TENM2: variants seen among roughly 807,000 people sequenced by gnomAD.
TENM2 encodes teneurin-2.
Under a neutral mutation model 245.2 loss-of-function variants are expected in TENM2, and 52 were observed. That is an observed-to-expected ratio of 0.21 (90% CI 0.17 to 0.27). TENM2 has a LOEUF of 0.27. TENM2 is among the 10% of genes least tolerant of loss of function. The pLI, the probability that TENM2 is intolerant of heterozygous loss-of-function variation, is 1.00. For synonymous variants in TENM2, 1,363 were observed against 1,438.9 expected (o/e 0.95, Z 1.19); for missense variants, 3,046 against 3,666.8 (o/e 0.83, Z 4.37).
intron 5 of TENM2, among the ~76,000 whole-genome samples, chr5:168,005,640 T>C (rs1379612811): frequency 6.6e-6 from 1 of 152,148 alleles, no homozygotes; most frequent in Non-Finnish European, 1.5e-5. Context: ...TAGGATTTTG[T>C]TGGAAGAGCT....
At chr5:167,315,780 C>G (rs1418305593) in intron 1 of TENM2, among the ~76,000 whole-genome samples, 1 of 152,034 alleles carries the variant, frequency 6.6e-6, no homozygotes. Context: ...AGTGGACGGG[C>G]TGTCTCTGGG....
intron 3 of TENM2, among the ~76,000 whole-genome samples, chr5:167,922,977 T>C (rs1777482338): frequency 6.6e-6 from 1 of 152,160 alleles, no homozygotes; most frequent in Non-Finnish European, 1.5e-5. Context: ...TGTTTTTGGG[T>C]TTAAGACAGT....
At chr5:167,605,153 C>T (rs1036531925) in intron 2 of TENM2, among the ~76,000 whole-genome samples, 2 of 152,080 alleles carry the variant, frequency 1.3e-5, no homozygotes, top group African/African-American at 2.4e-5. Context: ...TTCCACTTTC[C>T]CCATGACTGC....
chr5:167,156,918 G>A, the TENM2 span, among the ~76,000 whole-genome samples: 5 of 152,330 alleles, frequency 3.3e-5, no homozygotes, highest in African/African-American at 1.2e-4. Flanking sequence ...AGGGAGAGAA[G>A]AAGTGGTAAA....
chr5:167,428,416 T>C (rs865932426), intron 2 of TENM2, among the ~76,000 whole-genome samples: 21 of 152,156 alleles, frequency 1.4e-4, no homozygotes, highest in African/African-American at 5.1e-4. Flanking sequence ...AAAAATAACA[T>C]TTTGGTCTTC....
In TENM2 at chr5:167,715,802, T is replaced by A. The variant is rs142462020; in HGVS notation, c.503-160184T>A. Among the ~76,000 whole-genome samples, 17 of 152,308 alleles carry A rather than the reference T, an allele frequency of 1.1e-4. No homozygotes were observed. In the East Asian group the frequency reaches 3.1e-3, roughly 28 times the overall value. On this transcript the variant is annotated intron_variant, in intron 2 of 28. Transcript: ENST00000518659. ...TCATTTTATATAGAACATGCAAGCT[T>A]CTGAATACGAAATATATTCCCACTG...
At chr5:167,324,879 CT>C (rs1289469255) in intron 1 of TENM2, among the ~76,000 whole-genome samples, 1 of 152,164 alleles carries the variant, frequency 6.6e-6, no homozygotes, top group Non-Finnish European at 1.5e-5. Flanking sequence ...CAACTGCCCT[CT>C]GAGTCTATAA....
Position 167,620,549 on chromosome 5 carries a change from C to CTTTTTTTTTTTTT in TENM2, c.502+245086_502+245098dup, listed in dbSNP as rs11455974. On this transcript the variant is annotated intron_variant, in intron 2 of 28. Coordinates refer to ENST00000518659, the Ensembl canonical transcript of TENM2. The stretch of plus-strand genomic sequence containing the variant: ...TGTTGGCTAAAACTTTGCTTTTTGG[C>CTTTTTTTTTTTTT]TTTTTTTTTTTTTTTTTTTTTTCAA... 3.0e-4 allele frequency among the ~76,000 whole-genome samples: 22 copies of CTTTTTTTTTTTTT among 73,322 alleles called. 1 individual carries two copies. The highest frequency in any genetic ancestry group is 3.4e-4 in the Non-Finnish European group (14 of 41,488). The allele number at this position is 73,322 out of a possible 152,430, so 48.1% of individuals were successfully genotyped here.
chr5:167,501,955 C>G (rs1271917662), intron 2 of TENM2, among the ~76,000 whole-genome samples: 1 of 151,258 alleles, frequency 6.6e-6, no homozygotes, highest in Admixed American at 6.6e-5. Flanking sequence ...AACTATTTTT[C>G]TAAATTTAAC....
chr5:168,249,719 T>G (rs1766928445), intron 27 of TENM2, among the ~76,000 whole-genome samples: 6 of 151,990 alleles, frequency 3.9e-5, no homozygotes, highest in Admixed American at 3.9e-4. Flanking sequence ...ATTAGCTGCG[T>G]GTGGTGGCAT....
chr5:167,799,139 C>T (rs1354670290), intron 2 of TENM2, among the ~76,000 whole-genome samples: 2 of 152,332 alleles, frequency 1.3e-5, no homozygotes, highest in East Asian at 3.9e-4. Context: ...CCTCCCTCTG[C>T]AGGGCTTATG....
At chr5:167,336,953 T>C (rs1173311846) in intron 1 of TENM2, among the ~76,000 whole-genome samples, 1 of 149,860 alleles carries the variant, frequency 6.7e-6, no homozygotes, top group Non-Finnish European at 1.5e-5. Context: ...CCGTCTCTAC[T>C]AAAAATACAA....
At chr5:167,443,548 A>T (rs1764985058) in intron 2 of TENM2, among the ~76,000 whole-genome samples, 1 of 152,176 alleles carries the variant, frequency 6.6e-6, no homozygotes. Context: ...AGCTATGTGA[A>T]TTCTGTGCTT....
At chr5:168,248,191 C>A in exon 27 of TENM2, 1 of 1,614,044 alleles carries the variant, frequency 6.2e-7, no homozygotes, top group Non-Finnish European at 8.5e-7. Flanking sequence ...ACTCTATGAC[C>A]CCCTGACCAA....
chr5:168,217,022 G>C, intron 22 of TENM2, 100 bp downstream of exon 24: 3 of 1,321,126 alleles, frequency 2.3e-6, no homozygotes, highest in Non-Finnish European at 2.1e-6. Flanking sequence ...ATGGGAGGGA[G>C]AGATACAGAT....
intron 12 of TENM2, among the ~76,000 whole-genome samples, chr5:168,156,264 A>AAAAAAC (rs1337595983): frequency 1.1e-4 from 17 of 151,016 alleles, no homozygotes; most frequent in Admixed American, 3.9e-4. Flanking sequence ...AAAAAAAAAA[A>AAAAAAC]AACACTTTTT....
At chr5:168,032,229 G>C (rs55859018) in intron 5 of TENM2, among the ~76,000 whole-genome samples, 60,359 of 152,046 alleles carry the variant, frequency 0.4, 12,754 homozygotes, top group African/African-American at 0.54. Flanking sequence ...CCAAAAAGGG[G>C]AATTTCATGT....
At chr5:168,193,916 A>T (rs914675835) in intron 14 of TENM2, among the ~76,000 whole-genome samples, 5 of 152,222 alleles carry the variant, frequency 3.3e-5, no homozygotes, top group Admixed American at 3.3e-4. Flanking sequence ...TTTGTTAGGC[A>T]GCCAGTAGCA....
At chr5:167,409,205 A>G (rs777349107) in intron 2 of TENM2, among the ~76,000 whole-genome samples, 1 of 151,934 alleles carries the variant, frequency 6.6e-6, no homozygotes, top group Non-Finnish European at 1.5e-5. Flanking sequence ...TAAACCAATT[A>G]TAGTTTTTAC....
Sources: gnomAD v4.1 joint callset for allele counts (sites outside exome capture counted in the v4.1 genomes callset) on GRCh38, gnomAD v4.1.1 for gene constraint, MANE v1.5 for transcripts, NCBI Gene and HGNC (gene_info 2026-07-23, HGNC 2026-07-21) for gene names.